Variants in PGCKA1 observed in about 807,000 individuals in gnomAD.
PGCKA1 encodes PDCD10 and GCKIII kinases associated 1.
the PGCKA1 span, among the ~76,000 whole-genome samples, chr4:37,556,443 A>G: frequency 7.8e-6 from 1 of 128,388 alleles, no homozygotes; most frequent in Non-Finnish European, 1.7e-5. Context: ...AATTTTTTGT[A>G]TTTTTAGTAG....
At chr4:37,508,693 G>GTTTTTTTTTTTTTTTTTTTTT in the PGCKA1 span, among the ~76,000 whole-genome samples, 73 of 53,214 alleles carry the variant, frequency 1.4e-3, no homozygotes, top group South Asian at 4.6e-3. Flanking sequence ...CTTTTTTTTA[G>GTTTTTTTTTTTTTTTTTTTTT]TATTTATTGA....
the PGCKA1 span, among the ~76,000 whole-genome samples, chr4:37,513,133 TC>T: frequency 6.6e-6 from 1 of 151,816 alleles, no homozygotes; most frequent in Non-Finnish European, 1.5e-5. Flanking sequence ...AAATCCCATT[TC>T]CATTTTACAA....
chr4:37,534,910 G>C, the PGCKA1 span, among the ~76,000 whole-genome samples: 1 of 152,202 alleles, frequency 6.6e-6, no homozygotes, highest in Non-Finnish European at 1.5e-5. Context: ...GAACAGCCTA[G>C]AAATGGGTGA....
the PGCKA1 span, among the ~76,000 whole-genome samples, chr4:37,580,745 T>C: frequency 6.6e-6 from 1 of 152,180 alleles, no homozygotes; most frequent in Non-Finnish European, 1.5e-5. Context: ...GGGCCCTCTG[T>C]AACCACTAGC....
At chr4:37,518,077 T>C in the PGCKA1 span, among the ~76,000 whole-genome samples, 2 of 152,264 alleles carry the variant, frequency 1.3e-5, no homozygotes, top group Non-Finnish European at 2.9e-5. Context: ...ATCTAAGTTG[T>C]TGCAAATTAC....
the PGCKA1 span, among the ~76,000 whole-genome samples, chr4:37,524,888 G>A: frequency 6.6e-6 from 1 of 152,190 alleles, no homozygotes; most frequent in African/African-American, 2.4e-5. Flanking sequence ...CGCACAGTGG[G>A]TTCTGGGAGG....
chr4:37,496,496 G>T, the PGCKA1 span, among the ~76,000 whole-genome samples: 3 of 152,144 alleles, frequency 2.0e-5, no homozygotes, highest in African/African-American at 7.2e-5. Flanking sequence ...TGCTGTTTTG[G>T]TTATTGTAGC....
chr4:37,566,374 G>A, the PGCKA1 span, among the ~76,000 whole-genome samples: 3 of 151,384 alleles, frequency 2.0e-5, no homozygotes, highest in African/African-American at 4.9e-5. Flanking sequence ...TCCACCTCCC[G>A]GGTTCAAGTA....
chr4:37,570,182 T>C, the PGCKA1 span, among the ~76,000 whole-genome samples: 2 of 129,478 alleles, frequency 1.5e-5, no homozygotes, highest in South Asian at 2.5e-4. Context: ...GTATTTTTAG[T>C]AGAGACAGAG....
the PGCKA1 span, among the ~76,000 whole-genome samples, chr4:37,501,108 T>C: frequency 6.6e-6 from 1 of 152,192 alleles, no homozygotes; most frequent in African/African-American, 2.4e-5. Flanking sequence ...ATTTAGCCCA[T>C]TTACATTCAA....
At chr4:37,591,662 ATTAC>A in the PGCKA1 span, 1 of 152,302 alleles carries the variant, frequency 6.6e-6, no homozygotes, top group East Asian at 1.9e-4. Context: ...TTTTTACATT[ATTAC>A]TTTTAAATCT....
chr4:37,571,455 C>T, the PGCKA1 span, among the ~76,000 whole-genome samples: 1 of 149,998 alleles, frequency 6.7e-6, no homozygotes, highest in Non-Finnish European at 1.5e-5. Context: ...CTCCACCTCC[C>T]GGGTTCAAAC....
chr4:37,554,477 A>G, the PGCKA1 span, among the ~76,000 whole-genome samples: 1 of 152,084 alleles, frequency 6.6e-6, no homozygotes, highest in African/African-American at 2.4e-5. Flanking sequence ...CCTCCTGAGT[A>G]GCTGGGACTA....
chr4:37,496,504 A>G, the PGCKA1 span, among the ~76,000 whole-genome samples: 1 of 152,162 alleles, frequency 6.6e-6, no homozygotes, highest in Non-Finnish European at 1.5e-5. Context: ...TGGTTATTGT[A>G]GCCCTTTAGT....
the PGCKA1 span, among the ~76,000 whole-genome samples, chr4:37,503,751 T>C: frequency 6.6e-6 from 1 of 152,224 alleles, no homozygotes; most frequent in Non-Finnish European, 1.5e-5. Context: ...GTATGTCTTC[T>C]TTTGAGAAAT....
chr4:37,488,040 G>C, the PGCKA1 span, among the ~76,000 whole-genome samples: 1 of 152,074 alleles, frequency 6.6e-6, no homozygotes, highest in African/African-American at 2.4e-5. Flanking sequence ...GTGCACTTTT[G>C]TGTAAATATC....
the PGCKA1 span, among the ~76,000 whole-genome samples, chr4:37,480,920 G>A: frequency 4.9e-4 from 75 of 152,358 alleles, no homozygotes; most frequent in African/African-American, 1.6e-3. Flanking sequence ...TATCCAAGAT[G>A]ATGATGCTCC....
At chr4:37,524,688 T>C in the PGCKA1 span, among the ~76,000 whole-genome samples, 4 of 151,874 alleles carry the variant, frequency 2.6e-5, no homozygotes, top group Non-Finnish European at 5.9e-5. Context: ...TAACCAAGAG[T>C]GGTTATTAGG....
the PGCKA1 span, among the ~76,000 whole-genome samples, chr4:37,511,212 T>C: frequency 6.6e-6 from 1 of 152,228 alleles, no homozygotes; most frequent in South Asian, 2.1e-4. Context: ...GTGACAGAGA[T>C]GGTACCTAAG....
Sources: gnomAD v4.1 joint callset for allele counts (sites outside exome capture counted in the v4.1 genomes callset) on GRCh38, gnomAD v4.1.1 for gene constraint, MANE v1.5 for transcripts, NCBI Gene and HGNC (gene_info 2026-07-23, HGNC 2026-07-21) for gene names.